ABCA13: variants seen among roughly 807,000 people sequenced by gnomAD.
ABCA13 encodes ATP binding cassette subfamily A member 13, also known as ATP-binding cassette sub-family A member 13.
ABCA13 carries 476 observed loss-of-function variants against 478.7 expected under a neutral mutation model. That is an observed-to-expected ratio of 0.99 (90% CI 0.92 to 1.07). The LOEUF is 1.07. ABCA13 is among the 50% of genes least tolerant of loss of function. The pLI is 0.00. For missense variants in ABCA13, 6,060 were observed against 5,910.6 expected, an observed-to-expected ratio of 1.03 and a Z score of -0.83; for synonymous variants, 2,252 against 2,158.9, an observed-to-expected ratio of 1.04 and a Z score of -1.20.
chr7:48,258,186 A>G (rs2128715878), intron 15 of ABCA13, among the ~76,000 whole-genome samples: 1 of 152,218 alleles, frequency 6.6e-6, no homozygotes, highest in South Asian at 2.1e-4. Flanking sequence ...GGCCTCCCAA[A>G]GTGCTGGGAT....
chr7:48,440,918 T>C (rs930830839), intron 42 of ABCA13, among the ~76,000 whole-genome samples: 6 of 152,158 alleles, frequency 3.9e-5, no homozygotes, highest in South Asian at 2.1e-4. Context: ...AGAAAACTTA[T>C]GTTTTTATTG....
chr7:48,527,974 G>T (rs1832990761), intron 54 of ABCA13, among the ~76,000 whole-genome samples: 2 of 152,224 alleles, frequency 1.3e-5, no homozygotes, highest in East Asian at 1.9e-4. Context: ...TTCCACACAT[G>T]AATTTATTGT....
intron 40 of ABCA13, 47 bp from the exon 41 acceptor site, chr7:48,412,306 G>C: frequency 6.9e-7 from 1 of 1,450,266 alleles, no homozygotes; most frequent in South Asian, 1.3e-5. Context: ...TGTATATATG[G>C]ATTAACATTC....
chr7:48,628,004 T>C (rs1341771994), intron 59 of ABCA13, among the ~76,000 whole-genome samples: 18 of 152,166 alleles, frequency 1.2e-4, no homozygotes, highest in Non-Finnish European at 4.4e-5. Flanking sequence ...GTCCCAGTGC[T>C]ACCACATTGA....
In ABCA13 at chr7:48,399,002, G is replaced by C. The variant is rs184681177; in HGVS notation, c.11874-4681G>C. Among the ~76,000 whole-genome samples the C allele has an allele frequency of 1.0e-3, 154 of 152,238 alleles. 1 individual carries two copies. In the South Asian group the frequency reaches 0.013, roughly 13 times the overall value. On this transcript the variant is annotated intron_variant, in intron 38 of 61. Coordinates refer to ENST00000435803, the MANE Select transcript of ABCA13 (RefSeq NM_152701.5). The stretch of plus-strand genomic sequence containing the variant: ...AAGTAAAATGAAGACTTAAAAAATG[G>C]CCTTTGGATTTAGTATGTGGAGGGC...
intron 55 of ABCA13, among the ~76,000 whole-genome samples, chr7:48,562,364 T>G (rs1161919175): frequency 6.6e-6 from 1 of 152,002 alleles, no homozygotes; most frequent in Non-Finnish European, 1.5e-5. Context: ...ACATCTAAGG[T>G]TGGAAGTTAG....
chr7:48,279,756 A>G lies in ABCA13; in HGVS notation c.8562A>G (p.Lys2854=). The change falls in exon 18 of 62, where the codon AAA becomes AAG. Residue 2854 remains lysine (K), a synonymous_variant. Transcript: ENST00000435803. ...AGCCACTTTTTGAGATTTTCATTAA[A>G]GCAACCACCGGAAAGAATGTCACAT... The part of the protein sequence containing the change: ...LFQPLFEIFI[K]ATTGKNVTSE... 3.7e-6 allele frequency: 6 copies of G among 1,612,732 alleles called. No individual in the cohort carries two copies. The highest frequency in any genetic ancestry group is 4.2e-6 in the Non-Finnish European group (5 of 1,179,592).
chr7:48,488,229 G>A (rs966153452), intron 47 of ABCA13, among the ~76,000 whole-genome samples: 6 of 151,348 alleles, frequency 4.0e-5, no homozygotes, highest in Admixed American at 1.3e-4. Flanking sequence ...TTGTGTAGTA[G>A]GGTTTTGTTT....
chr7:48,374,281 T>G, intron 33 of ABCA13, 66 bp from the exon 34 acceptor site: 1 of 1,444,032 alleles, frequency 6.9e-7, no homozygotes. Context: ...AATTAAGTGT[T>G]GTGGATTTTC....
chr7:48,365,805 A>G (rs1811569689), intron 31 of ABCA13, among the ~76,000 whole-genome samples: 1 of 152,190 alleles, frequency 6.6e-6, no homozygotes, highest in South Asian at 2.1e-4. Flanking sequence ...GAAGTGAAAG[A>G]TATCTACAAA....
intron 41 of ABCA13, among the ~76,000 whole-genome samples, chr7:48,421,125 A>G (rs189589413): frequency 4.4e-4 from 67 of 151,950 alleles, no homozygotes; most frequent in Non-Finnish European, 8.2e-4. Context: ...TAGTGAGGTG[A>G]TCTTTTTTCC....
At chr7:48,433,706 G>A (rs10278231) in intron 42 of ABCA13, among the ~76,000 whole-genome samples, 45,141 of 151,510 alleles carry the variant, frequency 0.3, 6,807 homozygotes, top group East Asian at 0.38. Flanking sequence ...CCAGCTCCTG[G>A]AAACCACCAT....
intron 42 of ABCA13, among the ~76,000 whole-genome samples, chr7:48,431,524 T>G (rs1241988630): frequency 2.0e-5 from 3 of 152,222 alleles, no homozygotes; most frequent in African/African-American, 7.2e-5. Context: ...TTGTGTGTAG[T>G]GGTTGTTCAA....
At chr7:48,558,259 T>C (rs1463104843) in intron 55 of ABCA13, among the ~76,000 whole-genome samples, 3 of 148,666 alleles carry the variant, frequency 2.0e-5, no homozygotes, top group African/African-American at 7.5e-5. Flanking sequence ...TTTCTTTTTT[T>C]TTTTTTGACA....
At chr7:48,174,977 T>C (rs1295425836) in intron 1 of ABCA13, among the ~76,000 whole-genome samples, 1 of 152,192 alleles carries the variant, frequency 6.6e-6, no homozygotes, top group Non-Finnish European at 1.5e-5. Context: ...TTCTCCTGGA[T>C]CATTTCTCTT....
intron 35 of ABCA13, among the ~76,000 whole-genome samples, chr7:48,386,528 C>T (rs565450198): frequency 6.6e-6 from 1 of 152,222 alleles, no homozygotes; most frequent in Non-Finnish European, 1.5e-5. Flanking sequence ...GGTTCTGGTA[C>T]AAGAACAGAC....
chr7:48,316,936 C>T (rs1479815664), intron 26 of ABCA13, among the ~76,000 whole-genome samples: 1 of 152,200 alleles, frequency 6.6e-6, no homozygotes, highest in Admixed American at 6.5e-5. Context: ...GATCTAAAGA[C>T]TTCTTGTTAG....
intron 43 of ABCA13, among the ~76,000 whole-genome samples, chr7:48,462,450 C>A (rs1160964586): frequency 6.6e-6 from 1 of 150,986 alleles, no homozygotes; most frequent in Non-Finnish European, 1.5e-5. Flanking sequence ...GATTCCCCCC[C>A]CCCTACTGTT....
chr7:48,182,791 G>C (rs1331857081), intron 1 of ABCA13, among the ~76,000 whole-genome samples: 1 of 152,120 alleles, frequency 6.6e-6, no homozygotes, highest in Non-Finnish European at 1.5e-5. Flanking sequence ...TGGAAGCCTC[G>C]ACTCCTAACT....
Sources: allele counts gnomAD v4.1 joint callset (sites outside exome capture counted in the v4.1 genomes callset), GRCh38; gene constraint gnomAD v4.1.1; transcripts MANE v1.5; gene names NCBI Gene and HGNC (gene_info 2026-07-23, HGNC 2026-07-21).